The following SZT2 variants were observed in gnomAD, a reference collection of about 807,000 sequenced individuals.
The protein encoded by SZT2 is SZT2 subunit of KICSTOR complex, also known as KICSTOR complex protein SZT2.
In SZT2, 216 loss-of-function variants were observed where a neutral mutation model predicts 404.2. The ratio of observed to expected loss-of-function variants is 0.53; its 90% CI spans 0.48 to 0.60. The LOEUF (loss-of-function observed/expected upper bound fraction) is 0.60, where lower values mean the gene tolerates loss of function less well. SZT2 is among the 20% of genes least tolerant of loss of function. SZT2 has a pLI of 0.00. For missense variants in SZT2, 3,857 were observed against 4,459.2 expected, an observed-to-expected ratio of 0.86 and a Z score of 3.85; for synonymous variants, 1,693 against 1,749.9, an observed-to-expected ratio of 0.97 and a Z score of 0.81.
chr1:43,422,655 A>ACCCCT, intron 13 of SZT2, 23 bp downstream of exon 13: 1 of 1,095,020 alleles, frequency 9.1e-7, no homozygotes, highest in Non-Finnish European at 1.2e-6. Context: ...ATGTCCCTTC[A>ACCCCT]CCCCCCGCCC....
In SZT2 at chr1:43,426,708, A is replaced by G. The variant is rs370266384; in HGVS notation, c.3215-7A>G. 23 of 1,602,624 alleles carry G rather than the reference A, an allele frequency of 1.4e-5. No individual in the cohort carries two copies. The African/African-American group carries it at 2.4e-4, about 17-fold the overall frequency. Reference sequence around the variant, plus strand: ...CCCTCTTTCACCCATCTCTACCCCCATTGTAGGTGCCGAGGGGCCACTGCT... The same window carrying G: ...CCCTCTTTCACCCATCTCTACCCCCGTTGTAGGTGCCGAGGGGCCACTGCT... On this transcript the variant is annotated splice_region_variant and splice_polypyrimidine_tract_variant and intron_variant, in intron 22 of 71. Transcript: ENST00000634258. The surrounding 1 kb of genome is among the most constrained non-coding windows in gnomAD (Gnocchi z 4.9).
At position 43,427,626 on chromosome 1, in the gene SZT2, G is replaced by T. The variant is rs775589442; in HGVS notation, c.3695G>T (p.Gly1232Val). 3.7e-6 allele frequency: 6 copies of T among 1,614,086 alleles called. No individual in the cohort carries two copies. The South Asian group carries it at 6.6e-5, about 18-fold the overall frequency. The change falls in exon 26 of 72, where the codon GGG (glycine) becomes GTG (valine). Residue 1232 changes from glycine to valine, a missense_variant. Gly to Val is a moderately radical substitution (Grantham distance 109). Coordinates refer to ENST00000634258, the MANE Select transcript of SZT2 (RefSeq NM_001365999.1). ...GCTTCCCAGACAGAGAGTGCGGATG[G>T]GCCCCGGACCCGGTGTCCTGTCTAC... ...RQASQTESAD[G>V]PRTRCPVYIY...
chr1:43,443,163 T>C (rs146609729), intron 59 of SZT2, 25 bp from the exon 60 acceptor site: 5 of 1,614,084 alleles, frequency 3.1e-6, no homozygotes, highest in African/African-American at 1.3e-5. Context: ...TGCCTGGGGC[T>C]ACTACTAATG....
rs1570646760 is a variant in SZT2, at chr1:43,425,698, C to G, written c.2814+56C>G. 8.1e-6 allele frequency: 13 copies of G among 1,605,444 alleles called. No homozygotes were observed. The East Asian group carries it at 2.5e-4, about 30-fold the overall frequency. On this transcript the variant is annotated intron_variant, in intron 19 of 71. Transcript: ENST00000634258. The surrounding 1 kb of genome is among the most constrained non-coding windows in gnomAD (Gnocchi z 4.3). ...CTCTCACTGGATTGGGGTGCCATCTCTTTTGGAGTACTGCAGTCTGTGGGC... is the reference window on the plus strand; with the variant it reads ...CTCTCACTGGATTGGGGTGCCATCTGTTTTGGAGTACTGCAGTCTGTGGGC...
At chr1:43,396,867 A>C (rs891374748) in intron 1 of SZT2, among the ~76,000 whole-genome samples, 2 of 152,248 alleles carry the variant, frequency 1.3e-5, no homozygotes, top group African/African-American at 2.4e-5. Context: ...TTGTGGAAGC[A>C]AAGGAAAAAC....
Position 43,437,065 on chromosome 1 carries a change from A to G in SZT2, c.6035-106A>G, listed in dbSNP as rs761120655. On this transcript the variant is annotated intron_variant, in intron 42 of 71. Coordinates refer to ENST00000634258, the MANE Select transcript of SZT2 (RefSeq NM_001365999.1). This position sits in a 1 kb window ranked among gnomAD's most constrained non-coding sequence, Gnocchi z 5.3. ...CATCATTTCTCTGCAATAGTCAGGG[A>G]TGAGTCTGGAGGAGTGAGGACAAGT... 2 of 1,400,808 alleles carry G rather than the reference A, an allele frequency of 1.4e-6. No individual in the cohort carries two copies. Among genetic ancestry groups the G allele is most frequent in the Non-Finnish European group, 2.0e-6 (2 of 1,018,912 alleles). The allele number at this position is 1,400,808 out of a possible 1,614,324, so 86.8% of individuals were successfully genotyped here. A position where few individuals can be genotyped will look rare whatever the true frequency, so the allele number is the denominator to read the frequency against.
rs146416049 is a variant in SZT2 at position 43,430,539 on chromosome 1, G to A, written c.4524G>A (p.Glu1508=). ...ACCVVTESDP[E]LEVEYRESRE... is the part of the protein sequence containing the mutation. ...GTGTGGTCACTGAGAGTGACCCAGAGCTAGAGGTAGAATACCGGGAGAGCC... is the reference window on the plus strand; with the variant it reads ...GTGTGGTCACTGAGAGTGACCCAGAACTAGAGGTAGAATACCGGGAGAGCC... Residue 1508 remains glutamate (E), a synonymous_variant, in exon 32 of 72, where the codon GAG becomes GAA. Transcript: ENST00000634258. 60 of 1,614,102 alleles carry A rather than the reference G, an allele frequency of 3.7e-5. No homozygotes were observed. Among genetic ancestry groups the A allele is most frequent in the African/African-American group, 3.3e-4 (25 of 74,944 alleles).
chr1:43,394,235 G>A, intron 1 of SZT2: 1 of 269,808 alleles, frequency 3.7e-6, no homozygotes, highest in Non-Finnish European at 5.5e-6. Flanking sequence ...TTGAGATGGA[G>A]TCTTGCTCTG....
Position 43,450,016 on chromosome 1 carries a change from T to C in SZT2, c.10087-87T>C. On this transcript the variant is annotated intron_variant, in intron 70 of 71. Transcript: ENST00000634258. The surrounding 1 kb of genome is among the most constrained non-coding windows in gnomAD (Gnocchi z 4.3). ...GCGGGGTGAGGTGTGGAGATGGAAGTAGGCCTCTCCTCATCCTCCCTTCAC... is the reference window on the plus strand; with the variant it reads ...GCGGGGTGAGGTGTGGAGATGGAAGCAGGCCTCTCCTCATCCTCCCTTCAC... 1 of 1,504,010 alleles carries C rather than the reference T, an allele frequency of 6.6e-7. No individual in the cohort carries two copies. The highest frequency in any genetic ancestry group is 9.2e-7 in the Non-Finnish European group (1 of 1,081,382). 93.2% of individuals were successfully genotyped at this position (1,504,010 alleles called of 1,614,324 possible).
chr1:43,411,778 T>TTC (rs1651079980), intron 4 of SZT2, among the ~76,000 whole-genome samples: 1 of 133,844 alleles, frequency 7.5e-6, no homozygotes, highest in East Asian at 2.2e-4. Flanking sequence ...TCTTTTTTTT[T>TTC]TTTTTTTTTT....
Position 43,437,636 on chromosome 1 carries a change from A to G in SZT2, c.6332A>G (p.Asp2111Gly). 1 of 1,614,014 alleles carries G rather than the reference A, an allele frequency of 6.2e-7. No individual in the cohort carries two copies. Among genetic ancestry groups the G allele is most frequent in the Non-Finnish European group, 8.5e-7 (1 of 1,179,994 alleles). The change falls in exon 45 of 72, where the codon GAT becomes GGT. Residue 2111 changes from aspartate (D) to glycine (G), a missense_variant. By Grantham distance (94) the Asp-to-Gly change is moderately conservative. Coordinates refer to ENST00000634258, the MANE Select transcript of SZT2 (RefSeq NM_001365999.1). The surrounding 1 kb of genome is among the most constrained non-coding windows in gnomAD (Gnocchi z 5.3). ...TGCAGTGACCGGCCATGGAAAGGGG[A>G]TGCGCTGCCCCCTTCCCTCGCTCTG... is the stretch of plus-strand genomic sequence containing the variant. ...TSCSDRPWKG[D>G]ALPPSLALSR...
At chr1:43,407,402 G>A (rs942089312) in intron 4 of SZT2, among the ~76,000 whole-genome samples, 6 of 151,970 alleles carry the variant, frequency 3.9e-5, no homozygotes, top group Non-Finnish European at 5.9e-5. Flanking sequence ...TGTAATCCCC[G>A]CTGCTTGGGA....
Position 43,432,974 on chromosome 1 carries a change from A to C in SZT2, c.5603-15A>C. ...CAGCTTCGGATGGGATTGACCTTCA[A>C]TGCATCTGACACAGGTTATGATGGT... On this transcript the variant is annotated splice_polypyrimidine_tract_variant and intron_variant, in intron 39 of 71. Coordinates refer to ENST00000634258, the MANE Select transcript of SZT2 (RefSeq NM_001365999.1). 1.2e-6 allele frequency: 2 copies of C among 1,613,776 alleles called. No homozygotes were observed. Among genetic ancestry groups the C allele is most frequent in the South Asian group, 1.1e-5 (1 of 91,080 alleles).
chr1:43,391,767 A>G (rs1292189460), intron 1 of SZT2, among the ~76,000 whole-genome samples: 1 of 152,186 alleles, frequency 6.6e-6, no homozygotes, highest in Non-Finnish European at 1.5e-5. Flanking sequence ...GTAATATTAA[A>G]TTTTCTGATA....
In SZT2 at chr1:43,452,984, C is replaced by T. The variant is rs369800075; in HGVS notation, c.*2504C>T. ...CTTGCAAGGAACACTCAACTTCCTGCCCATCAAGCAATGCCCACTCCTTGA... is the reference window on the plus strand; with the variant it reads ...CTTGCAAGGAACACTCAACTTCCTGTCCATCAAGCAATGCCCACTCCTTGA... On this transcript the variant is annotated 3_prime_UTR_variant, in exon 72 of 72. Transcript: ENST00000634258. 1 of 1,602,278 alleles carries T rather than the reference C, an allele frequency of 6.2e-7. No individual in the cohort carries two copies. The highest frequency in any genetic ancestry group is 1.1e-5 in the South Asian group (1 of 89,506).
chr1:43,392,787 C>T (rs1648557966), intron 1 of SZT2, among the ~76,000 whole-genome samples: 1 of 152,202 alleles, frequency 6.6e-6, no homozygotes, highest in Non-Finnish European at 1.5e-5. Context: ...TTGAAGAGTT[C>T]TGCCCCTGGG....
chr1:43,423,653 T>C (rs1331232884), intron 15 of SZT2, among the ~76,000 whole-genome samples: 1 of 136,876 alleles, frequency 7.3e-6, no homozygotes, highest in Non-Finnish European at 1.5e-5. Context: ...TATAGAGGTG[T>C]GGAAGGGTCT....
chr1:43,426,194 A>C lies in SZT2; in HGVS notation c.3043+43A>C. 1 of 1,596,938 alleles carries C rather than the reference A, an allele frequency of 6.3e-7. No homozygotes were observed. The highest frequency in any genetic ancestry group is 8.6e-7 in the Non-Finnish European group (1 of 1,166,988). Reference sequence around the variant, plus strand: ...CCTTTCACCCCACACCTAAAGGGCCAGCAAGCCTGGAAGTATTAGAAAATA... The same window carrying C: ...CCTTTCACCCCACACCTAAAGGGCCCGCAAGCCTGGAAGTATTAGAAAATA... On this transcript the variant is annotated intron_variant, in intron 21 of 71. Transcript: ENST00000634258. This position sits in a 1 kb window ranked among gnomAD's most constrained non-coding sequence, Gnocchi z 4.9.
chr1:43,439,931 AT>A lies in SZT2; in HGVS notation c.7095del (p.Ser2366ValfsTer68), dbSNP rs778867953. 1.2e-6 allele frequency: 2 copies of A among 1,613,318 alleles called. No homozygotes were observed. Among genetic ancestry groups the A allele is most frequent in the Non-Finnish European group, 1.7e-6 (2 of 1,179,610 alleles). On this transcript the variant is annotated frameshift_variant, in exon 51 of 72. Transcript: ENST00000634258. LOFTEE classifies it high-confidence loss of function. This position sits in a 1 kb window ranked among gnomAD's most constrained non-coding sequence, Gnocchi z 4.2. Reference protein sequence around the residue: ...LRLDVWEKGNISIVQLEEKLR... With the variant: ...LRLDVWEKGNXSIVQLEEKLR... ...ATTGGATGTGTGGGAAAAGGGGAAC[AT>A]TAGTATTGTGCAGCTGGAGGAGAAA...
Sources: gnomAD v4.1 joint callset for allele counts (sites outside exome capture counted in the v4.1 genomes callset) on GRCh38, gnomAD v4.1.1 for gene constraint, Gnocchi (gnomAD v3.1) non-coding constraint, MANE v1.5 for transcripts, NCBI Gene and HGNC (gene_info 2026-07-23, HGNC 2026-07-21) for gene names.